The following CCDC171 variants were observed in gnomAD, a reference collection of about 807,000 sequenced individuals.
The protein encoded by CCDC171 is coiled-coil domain-containing protein 171.
CCDC171 carries 177 observed loss-of-function variants against 168.2 expected under a neutral mutation model. The observed-to-expected ratio is 1.05, with a 90% CI of 0.93 to 1.19. The LOEUF (loss-of-function observed/expected upper bound fraction) is 1.19, where lower values mean the gene tolerates loss of function less well. Ranked by LOEUF, CCDC171 falls within the 50% of genes most tolerant of loss-of-function variation. The pLI, the probability that CCDC171 is intolerant of heterozygous loss-of-function variation, is 0.00. For synonymous variants in CCDC171, 687 were observed against 540.8 expected, an observed-to-expected ratio of 1.27 and a Z score of -3.75; for missense variants, 1,991 against 1,539.0, an observed-to-expected ratio of 1.29 and a Z score of -4.91.
intron 25 of CCDC171, among the ~76,000 whole-genome samples, chr9:15,963,300 G>A (rs1345170532): frequency 6.6e-6 from 1 of 151,872 alleles, no homozygotes; most frequent in Non-Finnish European, 1.5e-5. Flanking sequence ...CCTGCACGTT[G>A]TGCATGTGTA....
chr9:15,605,649 T>C (rs916127512), intron 6 of CCDC171, among the ~76,000 whole-genome samples: 9 of 146,658 alleles, frequency 6.1e-5, no homozygotes, highest in Non-Finnish European at 1.0e-4. Flanking sequence ...GTCGCACCAC[T>C]GCACTCCAGC....
At chr9:16,102,996 C>A in the CCDC171 span, among the ~76,000 whole-genome samples, 1 of 152,234 alleles carries the variant, frequency 6.6e-6, no homozygotes, top group African/African-American at 2.4e-5. Context: ...ATTGAGCAGG[C>A]AGAAAACCTC....
the CCDC171 span, among the ~76,000 whole-genome samples, chr9:16,085,505 C>A: frequency 6.6e-6 from 1 of 152,198 alleles, no homozygotes; most frequent in Non-Finnish European, 1.5e-5. Flanking sequence ...CTGGAAACCT[C>A]TGCAGCCAGT....
At chr9:16,043,244 C>A (rs1564132659) in intron 1 of CCDC171, among the ~76,000 whole-genome samples, 1 of 152,126 alleles carries the variant, frequency 6.6e-6, no homozygotes, top group South Asian at 2.1e-4. Context: ...ACAACTCTTT[C>A]TTGCCTCTGG....
intron 24 of CCDC171, among the ~76,000 whole-genome samples, chr9:15,900,196 T>C (rs1035537344): frequency 2.0e-4 from 31 of 152,172 alleles, no homozygotes; most frequent in African/African-American, 7.2e-4. Flanking sequence ...TCAAAAGAGA[T>C]TGTCCTGGAT....
In CCDC171 at chr9:15,818,184, A is replaced by G. The variant is rs1285902118; in HGVS notation, c.3268-28518A>G. 3.4e-5 allele frequency among the ~76,000 whole-genome samples: 4 copies of G among 116,240 alleles called. 2 individuals carry two copies. The highest frequency in any genetic ancestry group is 6.5e-5 in the African/African-American group (2 of 30,734). 76.3% of individuals were successfully genotyped at this position (116,240 alleles called of 152,430 possible). On this transcript the variant is annotated intron_variant, in intron 21 of 25. Transcript: ENST00000380701. ...AACAGAAGGGGACATGCACACCAAA[A>G]CCCCATCTGTACGTCACCATCATCA...
chr9:15,971,482 A>T (rs1831350187), intron 25 of CCDC171, 127 bp from the exon 26 acceptor site: 4 of 606,826 alleles, frequency 6.6e-6, no homozygotes, highest in Admixed American at 2.9e-5. Flanking sequence ...TAGATTATTG[A>T]AATAGTAGTT....
intron 9 of CCDC171, among the ~76,000 whole-genome samples, chr9:15,672,201 G>GT (rs2049169545): frequency 1.3e-5 from 2 of 152,114 alleles, no homozygotes; most frequent in Admixed American, 6.6e-5. Flanking sequence ...GGGGTTGTTT[G>GT]TTTTTTTCTT....
chr9:15,604,556 A>G (rs1008484511), intron 6 of CCDC171, among the ~76,000 whole-genome samples: 1 of 152,156 alleles, frequency 6.6e-6, no homozygotes, highest in African/African-American at 2.4e-5. Flanking sequence ...AATTTGGTGT[A>G]TGTGTCTAGT....
chr9:15,849,378 G>T (rs1041166783), intron 23 of CCDC171, among the ~76,000 whole-genome samples: 2 of 151,066 alleles, frequency 1.3e-5, no homozygotes, highest in African/African-American at 4.8e-5. Flanking sequence ...AAACTAGGTA[G>T]TAATGTTATT....
intron 23 of CCDC171, among the ~76,000 whole-genome samples, chr9:15,869,171 G>T (rs537728779): frequency 6.6e-6 from 1 of 152,076 alleles, no homozygotes; most frequent in East Asian, 1.9e-4. Flanking sequence ...GGGGCCAACT[G>T]AACTTTGAAA....
chr9:16,058,161 C>T (rs1463664805), intron 1 of CCDC171, among the ~76,000 whole-genome samples: 2 of 152,086 alleles, frequency 1.3e-5, no homozygotes, highest in East Asian at 1.9e-4. Context: ...TGTCCAAGAC[C>T]GATCTCTGGA....
At chr9:15,941,026 T>G (rs182568657) in intron 25 of CCDC171, among the ~76,000 whole-genome samples, 26 of 152,092 alleles carry the variant, frequency 1.7e-4, no homozygotes, top group African/African-American at 6.0e-4. Context: ...AAGTGTTTTC[T>G]CATTCACTTT....
At chr9:15,874,803 A>G in intron 24 of CCDC171, 140 bp downstream of exon 24, 1 of 782,940 alleles carries the variant, frequency 1.3e-6, no homozygotes, top group Non-Finnish European at 1.8e-6. Flanking sequence ...TTCTTCTATC[A>G]TGTAACAGTA....
At chr9:15,743,420 C>A (rs1179562013) in intron 16 of CCDC171, among the ~76,000 whole-genome samples, 1 of 152,064 alleles carries the variant, frequency 6.6e-6, no homozygotes, top group Non-Finnish European at 1.5e-5. Flanking sequence ...AATCCTCTTG[C>A]CTCAGCCTCC....
intron 21 of CCDC171, among the ~76,000 whole-genome samples, chr9:15,805,766 C>G (rs971490702): frequency 2.6e-5 from 4 of 152,110 alleles, no homozygotes; most frequent in African/African-American, 9.7e-5. Context: ...GTCAGGTCCA[C>G]TTGATCCTGA....
rs183279718 is a variant in CCDC171 at position 15,775,162 on chromosome 9, A to G, written c.2672-2438A>G. ...GAACTATATTGTAAAAACACTTCTTATTATAGCATACATTATTTAGTGCTC... is the reference window on the plus strand; with the variant it reads ...GAACTATATTGTAAAAACACTTCTTGTTATAGCATACATTATTTAGTGCTC... On this transcript the variant is annotated intron_variant, in intron 18 of 25. Coordinates refer to ENST00000380701, the MANE Select transcript of CCDC171 (RefSeq NM_173550.4). Among the ~76,000 whole-genome samples, 14 of 152,328 alleles carry G rather than the reference A, an allele frequency of 9.2e-5. No homozygotes were observed. The East Asian group carries it at 2.7e-3, about 29-fold the overall frequency.
At chr9:15,611,460 C>T (rs1376176117) in intron 6 of CCDC171, among the ~76,000 whole-genome samples, 2 of 152,114 alleles carry the variant, frequency 1.3e-5, no homozygotes, top group Non-Finnish European at 1.5e-5. Context: ...GGGAACCTTA[C>T]GATGTCTTTT....
intron 25 of CCDC171, among the ~76,000 whole-genome samples, chr9:15,951,418 A>G (rs577763528): frequency 2.0e-4 from 30 of 152,142 alleles, no homozygotes; most frequent in Non-Finnish European, 3.7e-4. Context: ...TGTTTTCTAC[A>G]CTGTTGTACT....
Sources: gnomAD v4.1 joint callset for allele counts (sites outside exome capture counted in the v4.1 genomes callset) on GRCh38, gnomAD v4.1.1 for gene constraint, MANE v1.5 for transcripts, NCBI Gene and HGNC (gene_info 2026-07-23, HGNC 2026-07-21) for gene names.